Variants in ATG7 observed in about 807,000 individuals in gnomAD.
The protein encoded by ATG7 is autophagy related 7.
ATG7 carries 70 observed loss-of-function variants against 82.4 expected under a neutral mutation model. The observed-to-expected ratio is 0.85, with a 90% confidence interval of 0.70 to 1.04. ATG7 has a LOEUF of 1.04. Among genes scored for constraint, ATG7 ranks in the 50% least tolerant of loss-of-function variants. The probability of loss-of-function intolerance (pLI) is 0.00; values close to 1 mark genes in which losing one functional copy is unlikely to be tolerated. For synonymous variants in ATG7, 287 were observed against 313.0 expected (o/e 0.92, Z 0.88); for missense variants, 792 against 864.3 (o/e 0.92, Z 1.05).
intron 11 of ATG7, among the ~76,000 whole-genome samples, chr3:11,339,706 G>T (rs916213514): frequency 2.6e-5 from 4 of 152,230 alleles, no homozygotes; most frequent in Non-Finnish European, 4.4e-5. Flanking sequence ...GTAGAATACA[G>T]CAGTGTTTCC....
chr3:11,418,196 CCGGGTT>C lies in ATG7; in HGVS notation c.1957-8607_1957-8602del, dbSNP rs2081573528. Among the ~76,000 whole-genome samples the C allele has an allele frequency of 2.0e-5, 3 of 151,812 alleles. No homozygotes were observed. The South Asian group carries it at 6.3e-4, about 32-fold the overall frequency. On this transcript the variant is annotated intron_variant, in intron 19 of 20. Coordinates refer to ENST00000693202, the MANE Select transcript of ATG7 (RefSeq NM_001349232.2). ...CTCAGCTCACTGCAGCCTCAACCTC[CCGGGTT>C]TAAGCCATCCTCCCACCATAGTCTC...
chr3:11,549,047 G>A (rs938149388), intron 20 of ATG7, among the ~76,000 whole-genome samples: 29 of 152,178 alleles, frequency 1.9e-4, no homozygotes, highest in Non-Finnish European at 2.8e-4. Flanking sequence ...GTTCTTGCCA[G>A]CGTTATCTCA....
At chr3:11,480,503 G>T (rs2088826037) in intron 20 of ATG7, among the ~76,000 whole-genome samples, 1 of 152,114 alleles carries the variant, frequency 6.6e-6, no homozygotes, top group Admixed American at 6.5e-5. Flanking sequence ...AGGGGGCCGA[G>T]GCTGTAGTGA....
chr3:11,275,960 C>T (rs1032686363), intron 1 of ATG7, among the ~76,000 whole-genome samples: 1 of 152,162 alleles, frequency 6.6e-6, no homozygotes, highest in Non-Finnish European at 1.5e-5. Flanking sequence ...GGACTCTAAC[C>T]ATGCAGAGCA....
intron 20 of ATG7, 26 bp downstream of exon 20, chr3:11,426,952 G>C (rs370568369): frequency 6.4e-6 from 10 of 1,563,612 alleles, no homozygotes; most frequent in Middle Eastern, 1.7e-4. Context: ...GCTTTCTGTA[G>C]TGAAGACTGA....
intron 19 of ATG7, among the ~76,000 whole-genome samples, chr3:11,396,890 G>C (rs142564925): frequency 1.5e-4 from 23 of 152,202 alleles, no homozygotes; most frequent in Non-Finnish European, 2.1e-4. Context: ...AGAGGTTAAA[G>C]ATAGGAATTA....
intron 18 of ATG7, among the ~76,000 whole-genome samples, chr3:11,366,768 C>T (rs955464151): frequency 2.6e-5 from 4 of 151,688 alleles, no homozygotes; most frequent in African/African-American, 9.7e-5. Flanking sequence ...AATGCATGTG[C>T]CCATGTTTTT....
chr3:11,366,544 T>A lies in ATG7; in HGVS notation c.1875+1810T>A, dbSNP rs932905273. ...TATGCTGTCGTATCTCATTTGAATC[T>A]TTCCCAAGTCTCCCGCCTTCTTCTG... On this transcript the variant is annotated intron_variant, in intron 18 of 20. Transcript: ENST00000693202. Among the ~76,000 whole-genome samples the A allele has an allele frequency of 1.1e-4, 16 of 152,222 alleles. 1 individual carries two copies. Among genetic ancestry groups the A allele is most frequent in the African/African-American group, 3.6e-4 (15 of 41,452 alleles).
At chr3:11,450,480 G>C (rs1178387496) in intron 20 of ATG7, among the ~76,000 whole-genome samples, 8 of 152,160 alleles carry the variant, frequency 5.3e-5, no homozygotes, top group Non-Finnish European at 1.2e-4. Flanking sequence ...GATTCTCTGG[G>C]ACTAACTCCC....
At chr3:11,511,152 G>C (rs1270686332) in intron 20 of ATG7, among the ~76,000 whole-genome samples, 1 of 152,156 alleles carries the variant, frequency 6.6e-6, no homozygotes, top group African/African-American at 2.4e-5. Flanking sequence ...AAAGAACAAA[G>C]CTTCCACAGC....
intron 20 of ATG7, among the ~76,000 whole-genome samples, chr3:11,435,656 G>T (rs1158134174): frequency 1.3e-5 from 2 of 152,046 alleles, no homozygotes; most frequent in African/African-American, 4.8e-5. Flanking sequence ...CCTCTGTGTG[G>T]GCCGTGTCAG....
intron 20 of ATG7, among the ~76,000 whole-genome samples, chr3:11,489,073 A>G (rs796373269): frequency 6.6e-6 from 1 of 152,132 alleles, no homozygotes; most frequent in Non-Finnish European, 1.5e-5. Context: ...TATTGCCACA[A>G]TTTCAGAGCC....
chr3:11,458,791 T>C (rs1019580191), intron 20 of ATG7, among the ~76,000 whole-genome samples: 1 of 152,212 alleles, frequency 6.6e-6, no homozygotes, highest in Non-Finnish European at 1.5e-5. Context: ...CCCCAGGCCA[T>C]GGACCAGTAC....
In ATG7 at chr3:11,331,426, A is replaced by G. The variant is rs752593050; in HGVS notation, c.765A>G (p.Arg255=). 5.0e-6 allele frequency: 8 copies of G among 1,595,364 alleles called. No individual in the cohort carries two copies. The highest frequency in any genetic ancestry group is 6.9e-6 in the Non-Finnish European group (8 of 1,162,954). The change falls in exon 10 of 21, where the codon AGA becomes AGG. Residue 255 remains arginine (R), a splice_region_variant and synonymous_variant. Coordinates refer to ENST00000693202, the MANE Select transcript of ATG7 (RefSeq NM_001349232.2). ...LRNFLVLAAH[R]WSSSFQSVEV... ...ATTTTTTGGTCCTAGCAGCCCACAG[A>G]TGGTATTTACAAGAGTGTGTGTTTG...
chr3:11,275,391 C>G (rs902455622), intron 1 of ATG7, among the ~76,000 whole-genome samples: 4 of 151,248 alleles, frequency 2.6e-5, no homozygotes, highest in African/African-American at 9.7e-5. Context: ...CTCTGTCGCC[C>G]AGGCTGGAGT....
At chr3:11,539,925 T>C (rs1453021643) in intron 20 of ATG7, among the ~76,000 whole-genome samples, 2 of 152,238 alleles carry the variant, frequency 1.3e-5, no homozygotes, top group African/African-American at 4.8e-5. Context: ...TGTCGCTGAG[T>C]AGCGTCTCGC....
chr3:11,566,217 C>T, the ATG7 span, among the ~76,000 whole-genome samples: 1 of 151,820 alleles, frequency 6.6e-6, no homozygotes, highest in African/African-American at 2.4e-5. Flanking sequence ...CTGAATGTTA[C>T]ACACACGCAC....
chr3:11,504,548 G>A (rs1326924198), intron 20 of ATG7, among the ~76,000 whole-genome samples: 1 of 152,216 alleles, frequency 6.6e-6, no homozygotes, highest in Non-Finnish European at 1.5e-5. Flanking sequence ...GAAGCACTGA[G>A]GATGACTAGA....
At chr3:11,565,691 C>T in the ATG7 span, among the ~76,000 whole-genome samples, 1 of 152,216 alleles carries the variant, frequency 6.6e-6, no homozygotes, top group African/African-American at 2.4e-5. The surrounding 1 kb of genome is among the most constrained non-coding windows in gnomAD (Gnocchi z 4.1). Flanking sequence ...GACCTGCGTC[C>T]AGAAGGTCCA....
Sources: allele counts gnomAD v4.1 joint callset (sites outside exome capture counted in the v4.1 genomes callset), GRCh38; gene constraint gnomAD v4.1.1; non-coding constraint Gnocchi (gnomAD v3.1); transcripts MANE v1.5; gene names NCBI Gene and HGNC (gene_info 2026-07-23, HGNC 2026-07-21).